The following TMEM131L variants were observed in gnomAD, a reference collection of about 807,000 sequenced individuals.
TMEM131L encodes the protein transmembrane protein 131-like.
A neutral mutation model predicts 192.2 loss-of-function variants in TMEM131L; 54 were observed. That is an observed-to-expected ratio of 0.28 (90% confidence interval 0.23 to 0.35). The LOEUF (loss-of-function observed/expected upper bound fraction) is 0.35, where lower values mean the gene tolerates loss of function less well. Among genes scored for constraint, TMEM131L ranks in the 10% least tolerant of loss-of-function variants. TMEM131L has a pLI of 1.00. For synonymous variants in TMEM131L, 701 were observed against 704.9 expected, an observed-to-expected ratio of 0.99 and a Z score of 0.09; for missense variants, 1,888 against 1,972.9, an observed-to-expected ratio of 0.96 and a Z score of 0.82.
intron 6 of TMEM131L, 97 bp downstream of exon 6, chr4:153,557,179 C>T: frequency 1.5e-6 from 1 of 678,066 alleles, no homozygotes; most frequent in Non-Finnish European, 2.7e-6. Context: ...AATGTTGTCA[C>T]CTGGTTTATG....
intron 4 of TMEM131L, among the ~76,000 whole-genome samples, chr4:153,552,646 C>T (rs2150427326): frequency 6.6e-6 from 1 of 152,164 alleles, no homozygotes; most frequent in Middle Eastern, 3.4e-3. Flanking sequence ...GCCTGCGCAA[C>T]ACTGTGAGAC....
intron 3 of TMEM131L, among the ~76,000 whole-genome samples, chr4:153,494,198 T>A (rs1461209894): frequency 6.6e-6 from 1 of 152,142 alleles, no homozygotes; most frequent in African/African-American, 2.4e-5. Context: ...AATAGTGGAA[T>A]TTGTAGTTGG....
intron 3 of TMEM131L, among the ~76,000 whole-genome samples, chr4:153,546,753 C>T (rs1737206868): frequency 6.6e-6 from 1 of 152,176 alleles, no homozygotes; most frequent in Non-Finnish European, 1.5e-5. Context: ...CATGGAGAAA[C>T]CCCATCTCTG....
rs1384512079 is a variant in TMEM131L at position 153,621,836 on chromosome 4, C to G, written c.3846C>G (p.Ala1282=). The part of the protein sequence containing the change: ...DAEIASSLPA[A]QREAEGYYQK... ...AAATTGCAAGCAGTTTACCTGCTGCCCAGAGAGAGGCAGGTATGTAATGAT... is the reference window on the plus strand; with the variant it reads ...AAATTGCAAGCAGTTTACCTGCTGCGCAGAGAGAGGCAGGTATGTAATGAT... The change falls in exon 28 of 35, where the codon GCC becomes GCG. Residue 1282 remains alanine (A), a synonymous_variant. Transcript: ENST00000409959. 3.1e-6 allele frequency: 5 copies of G among 1,613,816 alleles called. No homozygotes were observed. The highest frequency in any genetic ancestry group is 4.2e-6 in the Non-Finnish European group (5 of 1,179,884).
At chr4:153,472,145 A>T (rs535545335) in intron 2 of TMEM131L, among the ~76,000 whole-genome samples, 7 of 152,354 alleles carry the variant, frequency 4.6e-5, no homozygotes, top group African/African-American at 1.7e-4. Context: ...GTATTAACTC[A>T]TTAACACACT....
intron 3 of TMEM131L, among the ~76,000 whole-genome samples, chr4:153,540,123 CAAAA>C (rs778006121): frequency 2.1e-4 from 27 of 126,676 alleles, no homozygotes; most frequent in Non-Finnish European, 3.6e-4. Flanking sequence ...AAAATAAAAA[CAAAA>C]AAACAAAAAA....
chr4:153,588,999 C>A lies in TMEM131L; in HGVS notation c.1662C>A (p.Asp554Glu), dbSNP rs373712732. The stretch of plus-strand genomic sequence containing the variant: ...GATGGAAGAAATATAAAAATGGTGA[C>A]GTCTGCAAGTACGTCTCCACTGTCT... ...YERWKKYKNGDVCKRNVLGTT... is the reference protein window; with the variant it reads ...YERWKKYKNGEVCKRNVLGTT... The change falls in exon 16 of 35, where the codon GAC becomes GAA. Residue 554 changes from aspartate (D) to glutamate (E), a missense_variant. Coordinates refer to ENST00000409959, the MANE Select transcript of TMEM131L (RefSeq NM_001131007.2). The A allele has an allele frequency of 6.5e-7, 1 of 1,532,236 alleles. No homozygotes were observed. Among genetic ancestry groups the A allele is most frequent in the Non-Finnish European group, 9.0e-7 (1 of 1,106,080 alleles). 94.9% of individuals were successfully genotyped at this position (1,532,236 alleles called of 1,614,324 possible). A position where few individuals can be genotyped will look rare whatever the true frequency, so the allele number is the denominator to read the frequency against.
At chr4:153,619,379 G>A (rs902561816) in intron 26 of TMEM131L, among the ~76,000 whole-genome samples, 4 of 152,194 alleles carry the variant, frequency 2.6e-5, no homozygotes, top group East Asian at 1.9e-4. Flanking sequence ...ATTAAATCCC[G>A]AGTCTGCATA....
In TMEM131L at chr4:153,466,415, C is replaced by T. The variant is rs1208755935; in HGVS notation, c.18C>T (p.Arg6=). 2 of 1,361,436 alleles carry T rather than the reference C, an allele frequency of 1.5e-6. No individual in the cohort carries two copies. The highest frequency in any genetic ancestry group is 1.5e-5 in the African/African-American group (1 of 66,786). The allele number at this position is 1,361,436 out of a possible 1,614,324, so 84.3% of individuals were successfully genotyped here. Residue 6 remains arginine, a synonymous_variant, in exon 1 of 35, where the codon CGC becomes CGT. Transcript: ENST00000409959. ...GCAGCAGCATGGCGGGGCTCCGACGCCCGCAGCCCGGCTGCTACTGCCGCA... is the reference window on the plus strand; with the variant it reads ...GCAGCAGCATGGCGGGGCTCCGACGTCCGCAGCCCGGCTGCTACTGCCGCA... The part of the protein sequence containing the change: MAGLR[R]PQPGCYCRTA...
rs372629548 is a variant in TMEM131L at position 153,593,884 on chromosome 4, C to A, written c.1995+13C>A. ...TTGCCCTTACCTGGTAGGATGTTAT[C>A]CTAAAACAGAAAAAAGAATGCCGAC... On this transcript the variant is annotated intron_variant, in intron 19 of 34. Coordinates refer to ENST00000409959, the MANE Select transcript of TMEM131L (RefSeq NM_001131007.2). The A allele has an allele frequency of 8.8e-6, 14 of 1,588,218 alleles. No individual in the cohort carries two copies. Among genetic ancestry groups the A allele is most frequent in the Non-Finnish European group, 7.8e-6 (9 of 1,156,686 alleles).
intron 3 of TMEM131L, among the ~76,000 whole-genome samples, chr4:153,544,306 A>ACAG (rs144019106): frequency 0.014 from 2,078 of 152,330 alleles, 62 homozygotes; most frequent in African/African-American, 0.048. Context: ...GTTCGAAAGG[A>ACAG]CAGGCCCTCT....
At chr4:153,620,732 A>T in intron 26 of TMEM131L, 24 bp from the exon 27 acceptor site, 1 of 1,429,164 alleles carries the variant, frequency 7.0e-7, no homozygotes, top group Non-Finnish European at 9.6e-7. Context: ...TTAAACCATT[A>T]AACATTTACT....
At chr4:153,519,369 C>G (rs1734952283) in intron 3 of TMEM131L, among the ~76,000 whole-genome samples, 1 of 152,082 alleles carries the variant, frequency 6.6e-6, no homozygotes, top group African/African-American at 2.4e-5. Context: ...GACTTTATAC[C>G]CAAATCCAGA....
chr4:153,584,556 G>A (rs1000581562), intron 11 of TMEM131L, among the ~76,000 whole-genome samples: 2 of 152,210 alleles, frequency 1.3e-5, no homozygotes, highest in East Asian at 1.9e-4. Context: ...TTTCTTGCTC[G>A]TGCCTCCACA....
intron 2 of TMEM131L, among the ~76,000 whole-genome samples, chr4:153,469,716 C>T (rs1731016367): frequency 6.6e-6 from 1 of 152,120 alleles, no homozygotes; most frequent in African/African-American, 2.4e-5. Flanking sequence ...CACCTGAGGT[C>T]AGGAGTTTGA....
chr4:153,568,222 A>AG, intron 7 of TMEM131L, among the ~76,000 whole-genome samples: 1 of 152,258 alleles, frequency 6.6e-6, no homozygotes, highest in East Asian at 1.9e-4. Flanking sequence ...ACTGGAAGAA[A>AG]GGAGGGGCGC....
chr4:153,542,359 T>C (rs1443787045), intron 3 of TMEM131L, among the ~76,000 whole-genome samples: 2 of 151,742 alleles, frequency 1.3e-5, no homozygotes, highest in Middle Eastern at 3.4e-3. Flanking sequence ...CGGTACTTGA[T>C]TTCGCAGGCT....
At chr4:153,493,687 A>G (rs913592886) in intron 3 of TMEM131L, among the ~76,000 whole-genome samples, 1 of 152,178 alleles carries the variant, frequency 6.6e-6, no homozygotes. Context: ...TTGGAGCCAG[A>G]CCGTCTGGGT....
chr4:153,627,723 A>G (rs767070324), intron 31 of TMEM131L, 36 bp downstream of exon 31: 16 of 1,537,856 alleles, frequency 1.0e-5, no homozygotes, highest in Admixed American at 8.4e-5. Context: ...ACATCAGCCA[A>G]GGGTTCTGTG....
Sources: gnomAD v4.1 joint callset for allele counts (sites outside exome capture counted in the v4.1 genomes callset) on GRCh38, gnomAD v4.1.1 for gene constraint, MANE v1.5 for transcripts, NCBI Gene and HGNC (gene_info 2026-07-23, HGNC 2026-07-21) for gene names.